KIRREL3: variants seen among roughly 807,000 people sequenced by gnomAD.
KIRREL3 encodes the protein kirre like nephrin family adhesion molecule 3.
A neutral mutation model predicts 89.7 loss-of-function variants in KIRREL3; 36 were observed. The observed-to-expected ratio is 0.40, with a 90% CI of 0.31 to 0.53. The LOEUF is 0.53. KIRREL3 is among the 20% of genes least tolerant of loss of function. The pLI, the probability that KIRREL3 is intolerant of heterozygous loss-of-function variation, is 0.49. For synonymous variants in KIRREL3, 445 were observed against 441.4 expected (o/e 1.01, Z -0.10); for missense variants, 864 against 1,056.6 (o/e 0.82, Z 2.53).
chr11:126,461,434 G>A (rs927901893), intron 6 of KIRREL3, among the ~76,000 whole-genome samples: 25 of 152,310 alleles, frequency 1.6e-4, no homozygotes, highest in Non-Finnish European at 3.1e-4. Flanking sequence ...CCTAGCTCTA[G>A]GCTTGGCCAG....
Position 126,475,412 on chromosome 11 carries a change from A to G in KIRREL3, c.434-1946T>C, listed in dbSNP as rs1957036808. On this transcript the variant is annotated intron_variant, in intron 4 of 16. Coordinates refer to ENST00000525144, the MANE Select transcript of KIRREL3 (RefSeq NM_032531.4). This position sits in a 1 kb window ranked among gnomAD's most constrained non-coding sequence, Gnocchi z 7.5. ...AGTGGGGGCCGGTAAGAAGCCAAGA[A>G]GCAAACCTTCAGAACAGCTGCCTTG... Among the ~76,000 whole-genome samples, 1 of 152,176 alleles carries G rather than the reference A, an allele frequency of 6.6e-6. No homozygotes were observed. Among genetic ancestry groups the G allele is most frequent in the Admixed American group, 6.5e-5 (1 of 15,282 alleles).
chr11:126,864,429 C>T (rs1944853117), intron 1 of KIRREL3, among the ~76,000 whole-genome samples: 1 of 152,204 alleles, frequency 6.6e-6, no homozygotes, highest in Non-Finnish European at 1.5e-5. Context: ...GTATGCCTGC[C>T]TGGCCATGGT....
rs188498152 is a variant in KIRREL3, at chr11:126,876,794, C to T, written c.55+123661G>A. Among the ~76,000 whole-genome samples, 79 of 152,230 alleles carry T rather than the reference C, an allele frequency of 5.2e-4. 1 individual carries two copies. Among genetic ancestry groups the T allele is most frequent in the Middle Eastern group, 6.8e-3 (2 of 294 alleles). On this transcript the variant is annotated intron_variant, in intron 1 of 16. Coordinates refer to ENST00000525144, the MANE Select transcript of KIRREL3 (RefSeq NM_032531.4). This position sits in a 1 kb window ranked among gnomAD's most constrained non-coding sequence, Gnocchi z 4.1. ...ACCTGATCTGCCCGCCTCAGCCTCC[C>T]GAAGTGCTAGGATTACAGGCGTGAG... is the stretch of plus-strand genomic sequence containing the variant.
chr11:126,560,396 C>T (rs751139320), intron 2 of KIRREL3, among the ~76,000 whole-genome samples: 1 of 152,244 alleles, frequency 6.6e-6, no homozygotes. Context: ...CTCTCATTGA[C>T]TATCACGTGC....
intron 1 of KIRREL3, among the ~76,000 whole-genome samples, chr11:126,878,110 A>G (rs1945359095): frequency 6.6e-6 from 1 of 152,342 alleles, no homozygotes; most frequent in East Asian, 1.9e-4. Context: ...AGGTACGTTG[A>G]TGGAAGACAG....
chr11:126,455,632 C>T lies in KIRREL3; in HGVS notation c.848+717G>A, dbSNP rs1277060712. On this transcript the variant is annotated intron_variant, in intron 7 of 16. Coordinates refer to ENST00000525144, the MANE Select transcript of KIRREL3 (RefSeq NM_032531.4). The surrounding 1 kb of genome is among the most constrained non-coding windows in gnomAD (Gnocchi z 6.4). ...TGAAACGCTGTCTCTACTAAAAATA[C>T]AAAAAAAAAAAAAAATTAGCTGGCG... Among the ~76,000 whole-genome samples, 4 of 142,940 alleles carry T rather than the reference C, an allele frequency of 2.8e-5. No homozygotes were observed. Among genetic ancestry groups the T allele is most frequent in the African/African-American group, 7.8e-5 (3 of 38,256 alleles). 93.8% of individuals were successfully genotyped at this position (142,940 alleles called of 152,430 possible). A position where few individuals can be genotyped will look rare whatever the true frequency, so the allele number is the denominator to read the frequency against.
rs183637963 is a variant in KIRREL3, at chr11:126,846,709, G to A, written c.55+153746C>T. Among the ~76,000 whole-genome samples, 239 of 152,252 alleles carry A rather than the reference G, an allele frequency of 1.6e-3. 1 individual carries two copies. The highest frequency in any genetic ancestry group is 5.3e-3 in the African/African-American group (222 of 41,552). ...CAAAAAAAAATTTCACACGCAAGGT[G>A]TATAAAGAAAGTAAAATGCATTTTT... is the stretch of plus-strand genomic sequence containing the variant. On this transcript the variant is annotated intron_variant, in intron 1 of 16. Transcript: ENST00000525144.
chr11:126,753,411 C>A (rs1288656118), intron 1 of KIRREL3, among the ~76,000 whole-genome samples: 1 of 152,220 alleles, frequency 6.6e-6, no homozygotes, highest in East Asian at 1.9e-4. Context: ...AGACGGCCCC[C>A]TTCCTTAGAT....
chr11:126,512,654 C>T (rs76655437), intron 4 of KIRREL3, among the ~76,000 whole-genome samples: 2 of 152,132 alleles, frequency 1.3e-5, no homozygotes, highest in African/African-American at 2.4e-5. Flanking sequence ...ACCCGAGGAT[C>T]GAGGTCCTGA....
rs765167485 is a variant in KIRREL3, at chr11:126,508,785, G to A, written c.433+12530C>T. On this transcript the variant is annotated intron_variant, in intron 4 of 16. Transcript: ENST00000525144. The surrounding 1 kb of genome is among the most constrained non-coding windows in gnomAD (Gnocchi z 4.9). Reference sequence around the variant, plus strand: ...CCTCTATGTCTCAGCTTCCTCGTCCGTAAAAGGGGACACGGGACCTGCCTG... The same window carrying A: ...CCTCTATGTCTCAGCTTCCTCGTCCATAAAAGGGGACACGGGACCTGCCTG... Among the ~76,000 whole-genome samples, 28 of 152,142 alleles carry A rather than the reference G, an allele frequency of 1.8e-4. No homozygotes were observed. Among genetic ancestry groups the A allele is most frequent in the Admixed American group, 3.9e-4 (6 of 15,278 alleles).
At chr11:126,945,398 C>T (rs75898476) in intron 1 of KIRREL3, among the ~76,000 whole-genome samples, 9 of 152,322 alleles carry the variant, frequency 5.9e-5, no homozygotes, top group African/African-American at 2.2e-4. Flanking sequence ...CTTCCTCACC[C>T]TCCTTCCAGC....
Position 126,455,671 on chromosome 11 carries a change from C to T in KIRREL3, c.848+678G>A, listed in dbSNP as rs1207912164. On this transcript the variant is annotated intron_variant, in intron 7 of 16. Transcript: ENST00000525144. The surrounding 1 kb of genome is among the most constrained non-coding windows in gnomAD (Gnocchi z 6.4). ...AATTAGCTGGCGTGGTGGCGGGCGC[C>T]TGTAGTCCCAGCTACTTGGGAGGCT... Among the ~76,000 whole-genome samples the T allele has an allele frequency of 1.3e-5, 2 of 151,846 alleles. No individual in the cohort carries two copies. The highest frequency in any genetic ancestry group is 2.9e-5 in the Non-Finnish European group (2 of 67,990).
At chr11:126,447,730 G>A (rs1375115744) in intron 8 of KIRREL3, among the ~76,000 whole-genome samples, 1 of 152,220 alleles carries the variant, frequency 6.6e-6, no homozygotes, top group African/African-American at 2.4e-5. Context: ...GCCTCAGAGT[G>A]CTCCTTCCAG....
rs1950048974 is a variant in KIRREL3 at position 126,772,516 on chromosome 11, G to A, written c.56-209604C>T. Among the ~76,000 whole-genome samples the A allele has an allele frequency of 6.6e-6, 1 of 152,180 alleles. No individual in the cohort carries two copies. Among genetic ancestry groups the A allele is most frequent in the Admixed American group, 6.5e-5 (1 of 15,276 alleles). On this transcript the variant is annotated intron_variant, in intron 1 of 16. Transcript: ENST00000525144. This position sits in a 1 kb window ranked among gnomAD's most constrained non-coding sequence, Gnocchi z 4.6. Reference sequence around the variant, plus strand: ...TCTGATGACCTGAAATGGCATGTGTGTGACATGTGTGTTTCACCTCCGGAG... The same window carrying A: ...TCTGATGACCTGAAATGGCATGTGTATGACATGTGTGTTTCACCTCCGGAG...
At position 126,965,882 on chromosome 11, in the gene KIRREL3, T is replaced by A. The variant is rs1053201381; in HGVS notation, c.55+34573A>T. On this transcript the variant is annotated intron_variant, in intron 1 of 16. Transcript: ENST00000525144. The surrounding 1 kb of genome is among the most constrained non-coding windows in gnomAD (Gnocchi z 4.4). The stretch of plus-strand genomic sequence containing the variant: ...GGTCAGCAGCTTTGAGGTTGTGCCA[T>A]GTAATCCACAGGTAGGTACTTGAGT... Among the ~76,000 whole-genome samples the A allele has an allele frequency of 1.3e-5, 2 of 152,140 alleles. No homozygotes were observed. Among genetic ancestry groups the A allele is most frequent in the African/African-American group, 4.8e-5 (2 of 41,444 alleles).
intron 1 of KIRREL3, among the ~76,000 whole-genome samples, chr11:126,661,712 G>A (rs1405744280): frequency 6.6e-6 from 1 of 152,202 alleles, no homozygotes; most frequent in Admixed American, 6.5e-5. Context: ...AGAATCACCT[G>A]AGGGAGCTAG....
At chr11:126,947,290 T>C (rs1289707887) in intron 1 of KIRREL3, among the ~76,000 whole-genome samples, 2 of 152,208 alleles carry the variant, frequency 1.3e-5, no homozygotes, top group Non-Finnish European at 2.9e-5. Context: ...CTCTTTGCTC[T>C]CTCCTTCACC....
intron 6 of KIRREL3, 59 bp from the exon 7 acceptor site, chr11:126,456,513 G>T: frequency 1.7e-6 from 2 of 1,144,852 alleles, no homozygotes; most frequent in Non-Finnish European, 1.3e-6. Context: ...GGGAGATCCT[G>T]GGCGACATGG....
intron 1 of KIRREL3, among the ~76,000 whole-genome samples, chr11:126,962,719 T>C (rs1006977700): frequency 3.9e-5 from 6 of 152,180 alleles, no homozygotes; most frequent in African/African-American, 1.2e-4. Flanking sequence ...TCACATGATA[T>C]AGAGAAATCT....
Sources: gnomAD v4.1 joint callset for allele counts (sites outside exome capture counted in the v4.1 genomes callset) on GRCh38, gnomAD v4.1.1 for gene constraint, Gnocchi (gnomAD v3.1) non-coding constraint, MANE v1.5 for transcripts, NCBI Gene and HGNC (gene_info 2026-07-23, HGNC 2026-07-21) for gene names.